LTBP2: variants seen among roughly 807,000 people sequenced by gnomAD.
LTBP2 encodes the protein latent transforming growth factor beta binding protein 2, also known as latent-transforming growth factor beta-binding protein 2.
LTBP2 carries 103 observed loss-of-function variants against 210.6 expected under a neutral mutation model. The ratio of observed to expected loss-of-function variants is 0.49; its 90% CI spans 0.42 to 0.58. LTBP2 has a LOEUF of 0.58. Among genes scored for constraint, LTBP2 ranks in the 20% least tolerant of loss-of-function variants. LTBP2 has a pLI of 0.00. For synonymous variants in LTBP2, 1,007 were observed against 1,015.0 expected, an observed-to-expected ratio of 0.99 and a Z score of 0.15; for missense variants, 2,313 against 2,494.5, an observed-to-expected ratio of 0.93 and a Z score of 1.55.
intron 4 of LTBP2, 64 bp downstream of exon 4, chr14:74,555,439 C>A: frequency 6.4e-7 from 1 of 1,566,148 alleles, no homozygotes; most frequent in South Asian, 1.1e-5. Flanking sequence ...AGGGGGAAGC[C>A]AAGGTGGGAG....
At chr14:74,517,388 T>G (rs1337554418) in intron 17 of LTBP2, among the ~76,000 whole-genome samples, 1 of 151,892 alleles carries the variant, frequency 6.6e-6, no homozygotes, top group East Asian at 1.9e-4. Flanking sequence ...AGTTTCGCTC[T>G]TGTTGCCCAG....
rs2088610637 is a variant in LTBP2, at chr14:74,611,612, C to T, written c.333G>A (p.Gln111=). ...GCGCAGGTGGCTGGACACGCCGCGA[C>T]TGCTGCGCGCGGGACGGCCTCCTGG... ...AEARRPSRAQ[Q]SRRVQPPAQT... The change falls in exon 1 of 36, where the codon CAG becomes CAA. Residue 111 remains glutamine (Q), a synonymous_variant. Coordinates refer to ENST00000261978, the MANE Select transcript of LTBP2 (RefSeq NM_000428.3). The T allele has an allele frequency of 6.4e-7, 1 of 1,563,970 alleles. No individual in the cohort carries two copies. Among genetic ancestry groups the T allele is most frequent in the East Asian group, 2.3e-5 (1 of 42,794 alleles).
At position 74,502,845 on chromosome 14, in the gene LTBP2, C is replaced by T. The variant is rs147223742; in HGVS notation, c.4978G>A (p.Gly1660Arg). 4.5e-5 allele frequency: 73 copies of T among 1,613,938 alleles called. No homozygotes were observed. Among genetic ancestry groups the T allele is most frequent in the South Asian group, 9.9e-5 (9 of 91,090 alleles). ...ATGCTGTAGTGCAGGTCATCGGGCC[C>T]GGGGCCATACTCATAGCCTGGCCGG... Reference protein sequence around the residue: ...HFRPGYEYGPGPDDLHYSIYG... With the variant: ...HFRPGYEYGPRPDDLHYSIYG... Residue 1660 changes from glycine to arginine, a missense_variant, in exon 34 of 36, where the codon GGG (glycine) becomes AGG (arginine). Physicochemically the swap from Gly to Arg is moderately radical, Grantham distance 125. Transcript: ENST00000261978.
intron 4 of LTBP2, among the ~76,000 whole-genome samples, 171 bp downstream of exon 4, chr14:74,555,332 C>G (rs946285357): frequency 6.6e-6 from 1 of 152,054 alleles, no homozygotes; most frequent in South Asian, 2.1e-4. Context: ...GTTTAGGACC[C>G]CTGGACCCCG....
rs78637914 is a variant in LTBP2, at chr14:74,572,359, G to A, written c.830+13495C>T. 8.7e-4 allele frequency among the ~76,000 whole-genome samples: 132 copies of A among 151,928 alleles called. 1 individual carries two copies. In the East Asian group the frequency reaches 0.021, roughly 24 times the overall value. On this transcript the variant is annotated intron_variant, in intron 3 of 35. Coordinates refer to ENST00000261978, the MANE Select transcript of LTBP2 (RefSeq NM_000428.3). ...AGAGAGAGTGTGTGTGTGTGCATGC[G>A]CCATGACAGGGGGAGGAGGAGGAGT...
Position 74,569,905 on chromosome 14 carries a change from C to T in LTBP2, c.831-14212G>A, listed in dbSNP as rs1235293591. Among the ~76,000 whole-genome samples the T allele has an allele frequency of 1.3e-5, 2 of 152,182 alleles. 1 individual carries two copies. Among genetic ancestry groups the T allele is most frequent in the Admixed American group, 1.3e-4 (2 of 15,288 alleles). On this transcript the variant is annotated intron_variant, in intron 3 of 35. Coordinates refer to ENST00000261978, the MANE Select transcript of LTBP2 (RefSeq NM_000428.3). ...AAACCCACAGTCCTAAAGCTCAGGA[C>T]TGCCAGGCTCTAAAGCTCATCTCAC...
chr14:74,540,944 A>ATTTTTT (rs1555350227), intron 8 of LTBP2, among the ~76,000 whole-genome samples: 13 of 24,290 alleles, frequency 5.4e-4, no homozygotes, highest in African/African-American at 1.2e-3. Context: ...ATATATATAT[A>ATTTTTT]TTTTTTATAT....
At chr14:74,590,988 A>T (rs2088275558) in intron 2 of LTBP2, among the ~76,000 whole-genome samples, 1 of 152,220 alleles carries the variant, frequency 6.6e-6, no homozygotes, top group African/African-American at 2.4e-5. Context: ...TCCAAAAGCT[A>T]TTGAAATTAA....
chr14:74,513,306 G>A (rs146725230), intron 18 of LTBP2, among the ~76,000 whole-genome samples: 1 of 152,370 alleles, frequency 6.6e-6, no homozygotes, highest in East Asian at 1.9e-4. Flanking sequence ...GTGGAGCCAT[G>A]AGACTAGTGA....
Position 74,502,892 on chromosome 14 carries a change from T to A in LTBP2, c.4931A>T (p.Glu1644Val). Reference protein sequence around the residue: ...QLCNVARIEAEREAGVHFRPG... With the variant: ...QLCNVARIEAVREAGVHFRPG... ...CCGGAAGTGGACCCCGGCCTCCCGCTCTGCCTCAATGCGAGCCACGTTGCA... is the reference window on the plus strand; with the variant it reads ...CCGGAAGTGGACCCCGGCCTCCCGCACTGCCTCAATGCGAGCCACGTTGCA... Residue 1644 changes from glutamate to valine, a missense_variant, in exon 34 of 36, where the codon GAG becomes GTG. This residue lies in a region of LTBP2 where 443 missense variants were observed against 501.4 expected (regional missense o/e 0.88). Transcript: ENST00000261978. 6.2e-7 allele frequency: 1 copy of A among 1,613,180 alleles called. No homozygotes were observed. The highest frequency in any genetic ancestry group is 8.5e-7 in the Non-Finnish European group (1 of 1,180,006).
intron 3 of LTBP2, among the ~76,000 whole-genome samples, chr14:74,558,994 G>C (rs1475902180): frequency 6.6e-6 from 1 of 152,168 alleles, no homozygotes; most frequent in Non-Finnish European, 1.5e-5. Flanking sequence ...ACCTCATAGG[G>C]CTGGTGTGAG....
intron 13 of LTBP2, 58 bp downstream of exon 13, chr14:74,527,289 T>A: frequency 6.3e-7 from 1 of 1,594,580 alleles, no homozygotes. Flanking sequence ...CCTGAGCTGC[T>A]ACCAGGTCCT....
At chr14:74,528,440 G>A in intron 12 of LTBP2, 43 bp downstream of exon 12, 1 of 1,606,016 alleles carries the variant, frequency 6.2e-7, no homozygotes, top group Non-Finnish European at 8.5e-7. Flanking sequence ...TGGAAACTTA[G>A]GGGAAAGGAA....
chr14:74,516,869 C>A lies in LTBP2; in HGVS notation c.2861G>T (p.Cys954Phe). 6.4e-7 allele frequency: 1 copy of A among 1,551,932 alleles called. No individual in the cohort carries two copies. The highest frequency in any genetic ancestry group is 8.7e-7 in the Non-Finnish European group (1 of 1,147,098). ...QCTNTEGSYH[C>F]ECDQGYIMVR... ...CATGATGTAGCCCTGATCACACTCGCAGTGGTACGAGCCCTCGGTGTTGGT... is the reference window on the plus strand; with the variant it reads ...CATGATGTAGCCCTGATCACACTCGAAGTGGTACGAGCCCTCGGTGTTGGT... The change falls in exon 18 of 36, where the codon TGC (cysteine) becomes TTC (phenylalanine). Residue 954 changes from cysteine (C) to phenylalanine (F), a missense_variant. Physicochemically the swap from Cys to Phe is radical, Grantham distance 205. Coordinates refer to ENST00000261978, the MANE Select transcript of LTBP2 (RefSeq NM_000428.3).
chr14:74,513,167 T>C (rs1286267566), intron 18 of LTBP2, among the ~76,000 whole-genome samples: 2 of 152,226 alleles, frequency 1.3e-5, no homozygotes, highest in African/African-American at 4.8e-5. Flanking sequence ...GCCCCAAACA[T>C]GCTGGGCACA....
chr14:74,563,393 A>G (rs2087821637), intron 3 of LTBP2, among the ~76,000 whole-genome samples: 1 of 152,234 alleles, frequency 6.6e-6, no homozygotes, highest in South Asian at 2.1e-4. Flanking sequence ...TAGTTTGTAC[A>G]GAATGAAAAC....
rs766828242 is a variant in LTBP2, at chr14:74,506,864, T to C, written c.3908-41A>G. 2.1e-4 allele frequency: 321 copies of C among 1,549,028 alleles called. No individual in the cohort carries two copies. The African/African-American group carries it at 5.6e-3, about 27-fold the overall frequency. ...AACCAGGATAGAGGATGTGTGTGTG[T>C]GTGTGTGTGTGTGTGCGCGCGCGCG... On this transcript the variant is annotated intron_variant, in intron 26 of 35. Transcript: ENST00000261978.
intron 12 of LTBP2, 21 bp from the exon 13 acceptor site, chr14:74,527,387 C>T (rs1233779993): frequency 6.2e-7 from 1 of 1,607,748 alleles, no homozygotes; most frequent in Non-Finnish European, 8.5e-7. Context: ...AAGGTAACAG[C>T]GTGAGCTCAG....
chr14:74,556,406 CAATTT>C (rs761265051), intron 3 of LTBP2, among the ~76,000 whole-genome samples: 4 of 152,216 alleles, frequency 2.6e-5, no homozygotes, highest in African/African-American at 4.8e-5. Context: ...TTACACAATT[CAATTT>C]GTCATATTTG....
Sources: gnomAD v4.1 joint callset for allele counts (sites outside exome capture counted in the v4.1 genomes callset) on GRCh38, gnomAD v4.1.1 for gene constraint, gnomAD v4.1.1 regional missense constraint, MANE v1.5 for transcripts, NCBI Gene and HGNC (gene_info 2026-07-23, HGNC 2026-07-21) for gene names.